Variants in TMIGD1 observed in about 807,000 individuals in gnomAD.
TMIGD1 encodes transmembrane and immunoglobulin domain-containing protein 1.
Under a neutral mutation model 27.5 loss-of-function variants are expected in TMIGD1, and 29 were observed. The ratio of observed to expected loss-of-function variants is 1.05; its 90% confidence interval spans 0.78 to 1.44. TMIGD1 has a LOEUF of 1.44. Among genes scored for constraint, TMIGD1 ranks in the 40% most tolerant of loss-of-function variants. The pLI, the probability that TMIGD1 is intolerant of heterozygous loss-of-function variation, is 0.00. For synonymous variants in TMIGD1, 109 were observed against 110.3 expected, an observed-to-expected ratio of 0.99 and a Z score of 0.07; for missense variants, 334 against 310.6, an observed-to-expected ratio of 1.08 and a Z score of -0.57.
chr17:30,330,076 C>A (rs1909925992), intron 2 of TMIGD1, among the ~76,000 whole-genome samples: 1 of 151,980 alleles, frequency 6.6e-6, no homozygotes, highest in Non-Finnish European at 1.5e-5. Context: ...TAGAGCAAGA[C>A]CTTGCCCCCA....
intron 4 of TMIGD1, among the ~76,000 whole-genome samples, chr17:30,322,755 C>G (rs1259652114): frequency 6.6e-6 from 1 of 152,244 alleles, no homozygotes; most frequent in East Asian, 1.9e-4. Context: ...CCGCCTCGGC[C>G]TCCCAAAATG....
At chr17:30,330,358 A>T (rs777777956) in intron 2 of TMIGD1, among the ~76,000 whole-genome samples, 1 of 152,202 alleles carries the variant, frequency 6.6e-6, no homozygotes, top group African/African-American at 2.4e-5. Flanking sequence ...ATACATATAC[A>T]CATACCATAT....
At chr17:30,319,684 G>A (rs559454761) in intron 4 of TMIGD1, among the ~76,000 whole-genome samples, 8 of 151,854 alleles carry the variant, frequency 5.3e-5, no homozygotes, top group Non-Finnish European at 1.0e-4. Flanking sequence ...GGGAAGAGAG[G>A]GAGGAAGGCT....
chr17:30,331,540 G>A (rs181233564), intron 2 of TMIGD1, among the ~76,000 whole-genome samples: 1 of 150,334 alleles, frequency 6.7e-6, no homozygotes, highest in East Asian at 2.0e-4. Flanking sequence ...ACTTCACCTT[G>A]TCTTGTAATA....
chr17:30,317,416 T>G (rs1909451113), intron 5 of TMIGD1, among the ~76,000 whole-genome samples, 183 bp from the exon 6 acceptor site: 2 of 152,164 alleles, frequency 1.3e-5, no homozygotes, highest in African/African-American at 4.8e-5. Flanking sequence ...TAACTCTTAG[T>G]TAAGATGCTT....
chr17:30,329,874 C>A (rs1370667622), intron 2 of TMIGD1, among the ~76,000 whole-genome samples: 1 of 150,966 alleles, frequency 6.6e-6, no homozygotes, highest in Non-Finnish European at 1.5e-5. Flanking sequence ...AGTTCAAGAT[C>A]AGCCTGGGTA....
Position 30,316,580 on chromosome 17 carries a change from A to G in TMIGD1, c.*107T>C. 9.1e-7 allele frequency: 1 copy of G among 1,103,008 alleles called. No homozygotes were observed. The highest frequency in any genetic ancestry group is 2.4e-5 in the East Asian group (1 of 42,020). 68.3% of individuals were successfully genotyped at this position (1,103,008 alleles called of 1,614,324 possible). The stretch of plus-strand genomic sequence containing the variant: ...ACTGTTAAGTGATTAATGAAACAGG[A>G]GTGACAGGAGTGAATTTAATAATAG... On this transcript the variant is annotated 3_prime_UTR_variant, in exon 7 of 7. Coordinates refer to ENST00000328886, the MANE Select transcript of TMIGD1 (RefSeq NM_206832.3).
rs145264048 is a variant in TMIGD1 at position 30,332,216 on chromosome 17, C to T, written c.-25-58G>A. 10 of 990,566 alleles carry T rather than the reference C, an allele frequency of 1.0e-5. 1 individual carries two copies. The highest frequency in any genetic ancestry group is 2.5e-5 in the East Asian group (1 of 40,232). 61.4% of individuals were successfully genotyped at this position (990,566 alleles called of 1,614,324 possible). On this transcript the variant is annotated intron_variant, in intron 1 of 6. Coordinates refer to ENST00000328886, the MANE Select transcript of TMIGD1 (RefSeq NM_206832.3). Reference sequence around the variant, plus strand: ...TTTGGTCTGCAATGAGTTCGTGAACCTTCCTTCTGTCTATTATGCATTTAA... The same window carrying T: ...TTTGGTCTGCAATGAGTTCGTGAACTTTCCTTCTGTCTATTATGCATTTAA...
intron 3 of TMIGD1, among the ~76,000 whole-genome samples, chr17:30,328,785 C>T (rs577447951): frequency 7.3e-5 from 11 of 151,664 alleles, no homozygotes; most frequent in Admixed American, 2.0e-4. Context: ...GTGAACCCCC[C>T]GTCTCTACTA....
In TMIGD1 at chr17:30,328,827, G is replaced by T. The variant is rs536518650; in HGVS notation, c.361+424C>A. Among the ~76,000 whole-genome samples the T allele has an allele frequency of 2.0e-5, 3 of 151,948 alleles. No homozygotes were observed. In the South Asian group the frequency reaches 6.2e-4, roughly 32 times the overall value. ...CAAAAATTAAAAATTAGCTGGGCATGGTAGTGGGCACCTGCAGTCCCAGCT... is the reference window on the plus strand; with the variant it reads ...CAAAAATTAAAAATTAGCTGGGCATTGTAGTGGGCACCTGCAGTCCCAGCT... On this transcript the variant is annotated intron_variant, in intron 3 of 6. Transcript: ENST00000328886.
At chr17:30,316,986 C>T (rs1048191406) in intron 6 of TMIGD1, 13 of 644,808 alleles carry the variant, frequency 2.0e-5, no homozygotes, top group Middle Eastern at 5.0e-4. Context: ...AGGGAGCAGG[C>T]TTAGGACTAA....
In TMIGD1 at chr17:30,320,188, C is replaced by A. The variant is rs1286798938; in HGVS notation, c.641-1275G>T. Among the ~76,000 whole-genome samples, 3 of 152,070 alleles carry A rather than the reference C, an allele frequency of 2.0e-5. No homozygotes were observed. The East Asian group carries it at 5.8e-4, about 29-fold the overall frequency. On this transcript the variant is annotated intron_variant, in intron 4 of 6. Transcript: ENST00000328886. ...GAGTAGCTGCAATTACAGGCACGTG[C>A]TACCATACCGAGATAATTTTTGTAT...
intron 5 of TMIGD1, 124 bp from the exon 6 acceptor site, chr17:30,317,357 G>A (rs1179042599): frequency 2.0e-5 from 20 of 981,792 alleles, no homozygotes; most frequent in Admixed American, 1.8e-4. Context: ...TGGCTCAGGC[G>A]TCATTTTTGG....
At chr17:30,321,456 G>A (rs1194291631) in intron 4 of TMIGD1, among the ~76,000 whole-genome samples, 1 of 152,222 alleles carries the variant, frequency 6.6e-6, no homozygotes, top group East Asian at 1.9e-4. Context: ...AGGAAATTGA[G>A]CATGTGCTAT....
In TMIGD1 at chr17:30,330,380, A is replaced by G. The variant is rs1009615469; in HGVS notation, c.83-851T>C. Among the ~76,000 whole-genome samples, 6 of 152,194 alleles carry G rather than the reference A, an allele frequency of 3.9e-5. 1 individual carries two copies. The highest frequency in any genetic ancestry group is 1.4e-4 in the African/African-American group (6 of 41,442). On this transcript the variant is annotated intron_variant, in intron 2 of 6. Coordinates refer to ENST00000328886, the MANE Select transcript of TMIGD1 (RefSeq NM_206832.3). ...TACACATACCATATTTAATTTGTTT[A>G]CTTGAAGGGATTGAAAGTGGGAAAG...
At chr17:30,319,429 C>CAA (rs1286864435) in intron 4 of TMIGD1, among the ~76,000 whole-genome samples, 62 of 40,654 alleles carry the variant, frequency 1.5e-3, no homozygotes, top group African/African-American at 4.3e-3. Context: ...TCTCTGTCTC[C>CAA]AAAAAAAAAA....
chr17:30,324,699 A>G (rs959756735), intron 4 of TMIGD1, 117 bp downstream of exon 4: 2 of 1,266,290 alleles, frequency 1.6e-6, no homozygotes, highest in East Asian at 2.4e-5. Flanking sequence ...TGATTCTCCA[A>G]AGAAAATCCT....
chr17:30,333,475 A>T (rs1194520062), intron 1 of TMIGD1, among the ~76,000 whole-genome samples: 1 of 151,870 alleles, frequency 6.6e-6, no homozygotes, highest in Admixed American at 6.6e-5. Context: ...AAATAAAAAA[A>T]AGCTGCTGTT....
intron 2 of TMIGD1, among the ~76,000 whole-genome samples, chr17:30,331,809 C>T (rs981109814): frequency 3.3e-4 from 50 of 152,026 alleles, no homozygotes; most frequent in African/African-American, 1.1e-3. Flanking sequence ...AGGATGGTCT[C>T]GATCTCCTGA....
Sources: allele counts gnomAD v4.1 joint callset (sites outside exome capture counted in the v4.1 genomes callset), GRCh38; gene constraint gnomAD v4.1.1; transcripts MANE v1.5; gene names NCBI Gene and HGNC (gene_info 2026-07-23, HGNC 2026-07-21).